The following TMEM72 variants were observed in gnomAD, a reference collection of about 807,000 sequenced individuals.
TMEM72 encodes transmembrane protein 72.
A neutral mutation model predicts 16.3 loss-of-function variants in TMEM72; 9 were observed. That is an observed-to-expected ratio of 0.55 (90% CI 0.33 to 0.96). TMEM72 has a LOEUF of 0.96. Among genes scored for constraint, TMEM72 ranks in the 40% least tolerant of loss-of-function variants. The pLI, the probability that TMEM72 is intolerant of heterozygous loss-of-function variation, is 0.03. For synonymous variants in TMEM72, 160 were observed against 146.5 expected (o/e 1.09, Z -0.66); for missense variants, 324 against 337.8 (o/e 0.96, Z 0.32).
chr10:44,933,527 G>A (rs1840339830), intron 3 of TMEM72, 110 bp from the exon 4 acceptor site: 1 of 1,415,094 alleles, frequency 7.1e-7, no homozygotes, highest in Non-Finnish European at 9.5e-7. Context: ...TTCAGCCAGG[G>A]CCCACTGCAG....
chr10:44,927,352 G>C lies in TMEM72; in HGVS notation c.71-569G>C, dbSNP rs112331270. Among the ~76,000 whole-genome samples, 227 of 152,318 alleles carry C rather than the reference G, an allele frequency of 1.5e-3. 2 individuals are homozygous for C. Among genetic ancestry groups the C allele is most frequent in the African/African-American group, 5.3e-3 (222 of 41,568 alleles). On this transcript the variant is annotated intron_variant, in intron 1 of 4. Transcript: ENST00000389583. ...ATGAAAGTTCAGCACTAACTGCCAA[G>C]AAAGGGGAGGAGGAGAGCTGAGGTT...
intron 1 of TMEM72, among the ~76,000 whole-genome samples, chr10:44,912,748 G>C (rs775627610): frequency 6.6e-6 from 1 of 152,222 alleles, no homozygotes; most frequent in Non-Finnish European, 1.5e-5. Context: ...ACACTCCAGA[G>C]CTCAATGGGA....
chr10:44,915,345 A>G (rs991410560), intron 1 of TMEM72, among the ~76,000 whole-genome samples: 4 of 152,188 alleles, frequency 2.6e-5, no homozygotes, highest in Non-Finnish European at 5.9e-5. Context: ...TAAATGCAGT[A>G]TCGCATTTCA....
intron 1 of TMEM72, 65 bp from the exon 2 acceptor site, chr10:44,927,856 C>A: frequency 6.4e-7 from 1 of 1,560,772 alleles, no homozygotes; most frequent in Non-Finnish European, 8.8e-7. Context: ...CCAAGGTACC[C>A]TCAACAGGGC....
intron 1 of TMEM72, among the ~76,000 whole-genome samples, chr10:44,920,670 A>C (rs1840081492): frequency 6.6e-6 from 1 of 152,010 alleles, no homozygotes. Context: ...CTTCCACTGG[A>C]GAATACTGAT....
At position 44,928,502 on chromosome 10, in the gene TMEM72, GCATA is replaced by G. The variant is rs541485733; in HGVS notation, c.137+526_137+529del. ...CCCATCCATCCATCTGCCCATATAT[GCATA>G]CATACATACACACACCCATTCACCC... On this transcript the variant is annotated intron_variant, in intron 2 of 4. Coordinates refer to ENST00000389583, the MANE Select transcript of TMEM72 (RefSeq NM_001123376.3). Among the ~76,000 whole-genome samples the G allele has an allele frequency of 2.9e-5, 4 of 136,210 alleles. No homozygotes were observed. The South Asian group carries it at 9.6e-4, about 33-fold the overall frequency. The allele number at this position is 136,210 out of a possible 152,430, so 89.4% of individuals were successfully genotyped here.
chr10:44,916,381 A>G (rs1172540370), intron 1 of TMEM72, among the ~76,000 whole-genome samples: 1 of 152,174 alleles, frequency 6.6e-6, no homozygotes, highest in Non-Finnish European at 1.5e-5. Flanking sequence ...CATGCTTCCC[A>G]CACAGTTAGA....
At chr10:44,922,010 C>A (rs1282858472) in intron 1 of TMEM72, among the ~76,000 whole-genome samples, 1 of 152,216 alleles carries the variant, frequency 6.6e-6, no homozygotes, top group Non-Finnish European at 1.5e-5. Flanking sequence ...GAGAACACCT[C>A]CTTAATGAAT....
chr10:44,925,170 G>A (rs549389565), intron 1 of TMEM72, among the ~76,000 whole-genome samples: 8 of 152,250 alleles, frequency 5.3e-5, no homozygotes, highest in South Asian at 2.1e-4. Flanking sequence ...ATTTCCATCC[G>A]GCTCTCATTT....
At chr10:44,921,609 G>A (rs980913074) in intron 1 of TMEM72, among the ~76,000 whole-genome samples, 2 of 152,220 alleles carry the variant, frequency 1.3e-5, no homozygotes, top group African/African-American at 4.8e-5. Context: ...CCAGCTCAGG[G>A]TAATGCCCTG....
Position 44,936,441 on chromosome 10 carries a change from T to C in TMEM72, c.*1307T>C, listed in dbSNP as rs1840402599. ...CCCTACAGGATATTTTACAAAGGTATGAAAATAATGGCCAACCAGAAGCTA... is the reference window on the plus strand; with the variant it reads ...CCCTACAGGATATTTTACAAAGGTACGAAAATAATGGCCAACCAGAAGCTA... On this transcript the variant is annotated 3_prime_UTR_variant, in exon 5 of 5. Transcript: ENST00000389583. 6.6e-6 allele frequency: 1 copy of C among 152,232 alleles called. No individual in the cohort carries two copies. The highest frequency in any genetic ancestry group is 1.9e-4 in the East Asian group (1 of 5,200). 9.4% of individuals were successfully genotyped at this position (152,232 alleles called of 1,614,324 possible). A position where few individuals can be genotyped will look rare whatever the true frequency, so the allele number is the denominator to read the frequency against.
At chr10:44,915,334 T>C (rs1839998042) in intron 1 of TMEM72, among the ~76,000 whole-genome samples, 1 of 151,578 alleles carries the variant, frequency 6.6e-6, no homozygotes, top group Non-Finnish European at 1.5e-5. Context: ...ACTGTGTATT[T>C]TAAATGCAGT....
rs77740952 is a variant in TMEM72 at position 44,921,959 on chromosome 10, C to T, written c.71-5962C>T. Among the ~76,000 whole-genome samples, 3,712 of 152,288 alleles carry T rather than the reference C, an allele frequency of 0.024. 373 individuals carry two copies. In the East Asian group the frequency reaches 0.31, roughly 13 times the overall value. On this transcript the variant is annotated intron_variant, in intron 1 of 4. Transcript: ENST00000389583. ...GAGGAGCACCTCCTTCATTGTAGAA[C>T]ACCTCCTTAATTTAATGGCAAATAT...
At chr10:44,926,719 C>T (rs942587876) in intron 1 of TMEM72, among the ~76,000 whole-genome samples, 2 of 152,252 alleles carry the variant, frequency 1.3e-5, no homozygotes, top group Middle Eastern at 3.4e-3. Context: ...AAAACATAAC[C>T]GCCTCTTCTC....
chr10:44,926,829 G>T (rs1840202884), intron 1 of TMEM72, among the ~76,000 whole-genome samples: 1 of 151,796 alleles, frequency 6.6e-6, no homozygotes. Flanking sequence ...ATGGAGTGCT[G>T]GTAGCTTCAG....
chr10:44,932,153 G>A, intron 3 of TMEM72, 84 bp downstream of exon 3: 1 of 1,474,796 alleles, frequency 6.8e-7, no homozygotes, highest in Non-Finnish European at 9.3e-7. Flanking sequence ...CCCACAACCA[G>A]GGGATGTCCT....
intron 1 of TMEM72, among the ~76,000 whole-genome samples, chr10:44,924,640 C>A (rs1184047679): frequency 6.6e-6 from 1 of 152,246 alleles, no homozygotes; most frequent in East Asian, 1.9e-4. Flanking sequence ...GTTGTTTCAA[C>A]CTGGCATGCT....
At chr10:44,931,557 C>T (rs1840297652) in intron 2 of TMEM72, among the ~76,000 whole-genome samples, 1 of 152,048 alleles carries the variant, frequency 6.6e-6, no homozygotes, top group Non-Finnish European at 1.5e-5. Flanking sequence ...AGAACAGGAG[C>T]GATTTGGAAG....
rs1201877326 is a variant in TMEM72, at chr10:44,936,527, C to T, written c.*1393C>T. On this transcript the variant is annotated 3_prime_UTR_variant, in exon 5 of 5. Coordinates refer to ENST00000389583, the MANE Select transcript of TMEM72 (RefSeq NM_001123376.3). ...TGATAAGCAGATAAGCAGAGCTCTT[C>T]CTGCAGTAGCCCAGGTCTCACCAAA... is the stretch of plus-strand genomic sequence containing the variant. The T allele has an allele frequency of 6.6e-6, 1 of 152,236 alleles. No individual in the cohort carries two copies. Among genetic ancestry groups the T allele is most frequent in the Non-Finnish European group, 1.5e-5 (1 of 68,048 alleles). The allele number at this position is 152,236 out of a possible 1,614,324, so 9.4% of individuals were successfully genotyped here. A position where few individuals can be genotyped will look rare whatever the true frequency, so the allele number is the denominator to read the frequency against.
Sources: gnomAD v4.1 joint callset for allele counts (sites outside exome capture counted in the v4.1 genomes callset) on GRCh38, gnomAD v4.1.1 for gene constraint, MANE v1.5 for transcripts, NCBI Gene and HGNC (gene_info 2026-07-23, HGNC 2026-07-21) for gene names.